Variants in DBNL observed in about 807,000 individuals in gnomAD.
DBNL encodes the protein drebrin like.
In DBNL, 35 loss-of-function variants were observed where a neutral mutation model predicts 62.2. The observed-to-expected ratio is 0.56, with a 90% CI of 0.43 to 0.75. DBNL has a LOEUF of 0.75. Among genes scored for constraint, DBNL ranks in the 30% least tolerant of loss-of-function variants. The probability of loss-of-function intolerance (pLI) is 0.00; values close to 1 mark genes in which losing one functional copy is unlikely to be tolerated. For missense variants in DBNL, 495 were observed against 578.4 expected (o/e 0.86, Z 1.48); for synonymous variants, 197 against 218.0 (o/e 0.90, Z 0.85).
At chr7:44,050,312 C>G in intron 2 of DBNL, 32 bp downstream of exon 2, 1 of 1,612,086 alleles carries the variant, frequency 6.2e-7, no homozygotes, top group Non-Finnish European at 8.5e-7. Context: ...CTCAGGGACA[C>G]CAGGAGGTAG....
In DBNL at chr7:44,063,472, G is replaced by A. The variant is rs1245411840; in HGVS notation, c.*2556G>A. 1 of 187,182 alleles carries A rather than the reference G, an allele frequency of 5.3e-6. No homozygotes were observed. The highest frequency in any genetic ancestry group is 1.3e-4 in the East Asian group (1 of 7,434). The allele number at this position is 187,182 out of a possible 1,614,324, so 11.6% of individuals were successfully genotyped here. On this transcript the variant is annotated 3_prime_UTR_variant, in exon 13 of 13. Coordinates refer to ENST00000448521, the MANE Select transcript of DBNL (RefSeq NM_001014436.3). ...AATTTTGTATTTTTAGTAGAAACGG[G>A]TTTTACCATGTTGGTCAGGCTGGTC...
At chr7:44,045,953 C>G (rs2096116559) in intron 1 of DBNL, among the ~76,000 whole-genome samples, 1 of 152,230 alleles carries the variant, frequency 6.6e-6, no homozygotes, top group Non-Finnish European at 1.5e-5. Flanking sequence ...TTGGAGGCAT[C>G]TAAAGAAGGA....
chr7:44,064,990 T>C lies in DBNL; in HGVS notation c.*4074T>C. ...CTCGCAGGTGGGGAGTTCCCCGGGCTTCAGGCCTGCGTACCGACGCTCCTG... is the reference window on the plus strand; with the variant it reads ...CTCGCAGGTGGGGAGTTCCCCGGGCCTCAGGCCTGCGTACCGACGCTCCTG... On this transcript the variant is annotated 3_prime_UTR_variant, in exon 13 of 13. Transcript: ENST00000448521. 1 of 1,606,822 alleles carries C rather than the reference T, an allele frequency of 6.2e-7. No individual in the cohort carries two copies. Among genetic ancestry groups the C allele is most frequent in the Non-Finnish European group, 8.5e-7 (1 of 1,179,650 alleles).
At chr7:44,052,593 G>C in intron 3 of DBNL, among the ~76,000 whole-genome samples, 1 of 148,982 alleles carries the variant, frequency 6.7e-6, no homozygotes, top group African/African-American at 2.5e-5. Flanking sequence ...CTGGGCCACA[G>C]AGCAAGACTC....
In DBNL at chr7:44,060,687, TGCA is replaced by T; in HGVS notation, c.1154-85_1154-83del. On this transcript the variant is annotated intron_variant, in intron 12 of 12. Transcript: ENST00000448521. This position sits in a 1 kb window ranked among gnomAD's most constrained non-coding sequence, Gnocchi z 6.3. ...GAACCAGAGCTGCAGCGAGGTGTGC[TGCA>T]GCAGTGTGGGGCTGCCGTGGGCTGC... 1.9e-6 allele frequency: 3 copies of T among 1,543,134 alleles called. No homozygotes were observed. Among genetic ancestry groups the T allele is most frequent in the Non-Finnish European group, 2.6e-6 (3 of 1,139,582 alleles).
chr7:44,066,107 G>C lies in DBNL; in HGVS notation c.*5191G>C, dbSNP rs929655640. On this transcript the variant is annotated 3_prime_UTR_variant, in exon 13 of 13. Transcript: ENST00000448521. ...CAGGCAGCAGCAGCAGAATGGGCAA[G>C]GGCTGGGGCTGAGCCGGGTTTCCAG... 3 of 185,076 alleles carry C rather than the reference G, an allele frequency of 1.6e-5. No homozygotes were observed. The highest frequency in any genetic ancestry group is 7.1e-5 in the African/African-American group (3 of 42,500). 11.5% of individuals were successfully genotyped at this position (185,076 alleles called of 1,614,324 possible). A position where few individuals can be genotyped will look rare whatever the true frequency, so the allele number is the denominator to read the frequency against.
Position 44,065,561 on chromosome 7 carries a change from C to CG in DBNL, c.*4649dup, listed in dbSNP as rs1209221956. 1.2e-6 allele frequency: 2 copies of CG among 1,606,166 alleles called. No homozygotes were observed. The highest frequency in any genetic ancestry group is 1.7e-6 in the Non-Finnish European group (2 of 1,174,230). On this transcript the variant is annotated 3_prime_UTR_variant, in exon 13 of 13. Coordinates refer to ENST00000448521, the MANE Select transcript of DBNL (RefSeq NM_001014436.3). ...AGCAGGGACCACAGAGGACTCTGGA[C>CG]GGGGACGGCTGCTTCCCAACACTCC... is the stretch of plus-strand genomic sequence containing the variant.
rs2128795955 is a variant in DBNL, at chr7:44,064,058, G to A, written c.*3142G>A. On this transcript the variant is annotated 3_prime_UTR_variant, in exon 13 of 13. Transcript: ENST00000448521. ...CGGCCCTAGGAGCAGGAGGTCTGGG[G>A]CACACCCTTCTAGCCTTTCCAGGAC... 1 of 152,692 alleles carries A rather than the reference G, an allele frequency of 6.5e-6. No homozygotes were observed. The highest frequency in any genetic ancestry group is 6.5e-5 in the Admixed American group (1 of 15,310). The allele number at this position is 152,692 out of a possible 1,614,324, so 9.5% of individuals were successfully genotyped here.
At chr7:44,050,668 A>G (rs1167025974) in intron 2 of DBNL, 7 of 197,806 alleles carry the variant, frequency 3.5e-5, no homozygotes, top group African/African-American at 1.6e-4. Context: ...GAGTGCTTGC[A>G]GGGGCCCCAT....
In DBNL at chr7:44,061,047, C is replaced by T; in HGVS notation, c.*131C>T. On this transcript the variant is annotated 3_prime_UTR_variant, in exon 13 of 13. Coordinates refer to ENST00000448521, the MANE Select transcript of DBNL (RefSeq NM_001014436.3). Reference sequence around the variant, plus strand: ...CAGTGAGGATGAGGCCTCAGGGCTCCCTCCGGCTTGGCAGACTCAGCCTGT... The same window carrying T: ...CAGTGAGGATGAGGCCTCAGGGCTCTCTCCGGCTTGGCAGACTCAGCCTGT... 1 of 1,302,074 alleles carries T rather than the reference C, an allele frequency of 7.7e-7. No homozygotes were observed. The allele number at this position is 1,302,074 out of a possible 1,614,324, so 80.7% of individuals were successfully genotyped here. A position where few individuals can be genotyped will look rare whatever the true frequency, so the allele number is the denominator to read the frequency against.
At position 44,065,209 on chromosome 7, in the gene DBNL, G is replaced by A. The variant is rs1425067807; in HGVS notation, c.*4293G>A. The A allele has an allele frequency of 1.5e-5, 24 of 1,613,914 alleles. No individual in the cohort carries two copies. Among genetic ancestry groups the A allele is most frequent in the Non-Finnish European group, 1.9e-5 (22 of 1,180,030 alleles). ...TCCAGATCTTCACCTGCTCCTCCCC[G>A]TGCTTGGCGGCCGTTTCTGCCTTGT... On this transcript the variant is annotated 3_prime_UTR_variant, in exon 13 of 13. Coordinates refer to ENST00000448521, the MANE Select transcript of DBNL (RefSeq NM_001014436.3).
rs76669537 is a variant in DBNL, at chr7:44,046,116, T to C, written c.83+1296T>C. ...TTCCTGTTCGTGTTTCTCTTAGACCTCTCCTGTTACTTCAAACCCAGTCAA... is the reference window on the plus strand; with the variant it reads ...TTCCTGTTCGTGTTTCTCTTAGACCCCTCCTGTTACTTCAAACCCAGTCAA... On this transcript the variant is annotated intron_variant, in intron 1 of 12. Transcript: ENST00000448521. Among the ~76,000 whole-genome samples, 578 of 152,300 alleles carry C rather than the reference T, an allele frequency of 3.8e-3. 5 individuals are homozygous for C. Among genetic ancestry groups the C allele is most frequent in the African/African-American group, 0.013 (547 of 41,554 alleles).
At chr7:44,052,995 C>G (rs763475942) in intron 4 of DBNL, 54 bp downstream of exon 4, 1 of 1,583,042 alleles carries the variant, frequency 6.3e-7, no homozygotes, top group Non-Finnish European at 8.6e-7. Flanking sequence ...GGCTTGAGGT[C>G]TCGCAGGTTC....
At chr7:44,050,081 C>T in intron 1 of DBNL, 144 bp from the exon 2 acceptor site, 1 of 842,524 alleles carries the variant, frequency 1.2e-6, no homozygotes, top group Non-Finnish European at 1.9e-6. Context: ...TGGGTCAGAG[C>T]AAAGTGAGAA....
At position 44,057,862 on chromosome 7, in the gene DBNL, G is replaced by A. The variant is rs763040275; in HGVS notation, c.552+3G>A. 6.2e-7 allele frequency: 1 copy of A among 1,614,160 alleles called. No individual in the cohort carries two copies. The highest frequency in any genetic ancestry group is 1.1e-5 in the South Asian group (1 of 91,068). Reference sequence around the variant, plus strand: ...ACAGCTTCTGGGCCAAAGCAGAGGTGAGTGCTGCCCCGGGGCATGCTGGGC... The same window carrying A: ...ACAGCTTCTGGGCCAAAGCAGAGGTAAGTGCTGCCCCGGGGCATGCTGGGC... On this transcript the variant is annotated splice_donor_region_variant and intron_variant, in intron 6 of 12. Transcript: ENST00000448521.
Position 44,061,036 on chromosome 7 carries a change from C to T in DBNL, c.*120C>T. The T allele has an allele frequency of 7.4e-7, 1 of 1,358,634 alleles. No homozygotes were observed. The highest frequency in any genetic ancestry group is 1.5e-5 in the South Asian group (1 of 67,942). 84.2% of individuals were successfully genotyped at this position (1,358,634 alleles called of 1,614,324 possible). On this transcript the variant is annotated 3_prime_UTR_variant, in exon 13 of 13. Coordinates refer to ENST00000448521, the MANE Select transcript of DBNL (RefSeq NM_001014436.3). ...AATAGGACCCCCAGTGAGGATGAGG[C>T]CTCAGGGCTCCCTCCGGCTTGGCAG...
Position 44,059,536 on chromosome 7 carries a change from G to C in DBNL, c.932-7G>C, listed in dbSNP as rs761011901. The stretch of plus-strand genomic sequence containing the variant: ...GGAGTGAGAACCTGCTGTGTTCCCT[G>C]GTGCAGATCTCCCTGCTGAGGAGCC... On this transcript the variant is annotated splice_region_variant and splice_polypyrimidine_tract_variant and intron_variant, in intron 10 of 12. Transcript: ENST00000448521. This position sits in a 1 kb window ranked among gnomAD's most constrained non-coding sequence, Gnocchi z 4.1. 4.3e-6 allele frequency: 7 copies of C among 1,613,384 alleles called. No homozygotes were observed. The African/African-American group carries it at 9.3e-5, about 22-fold the overall frequency.
Position 44,062,987 on chromosome 7 carries a change from C to T in DBNL, c.*2071C>T. The stretch of plus-strand genomic sequence containing the variant: ...CTCTGTCCCCAGCCTGTTTACACAG[C>T]AGACACTATGTGACCTTTATGGTCC... On this transcript the variant is annotated 3_prime_UTR_variant, in exon 13 of 13. Coordinates refer to ENST00000448521, the MANE Select transcript of DBNL (RefSeq NM_001014436.3). The T allele has an allele frequency of 6.4e-7, 1 of 1,570,654 alleles. No individual in the cohort carries two copies.
At chr7:44,055,217 G>T (rs1249067813) in intron 4 of DBNL, among the ~76,000 whole-genome samples, 2 of 152,216 alleles carry the variant, frequency 1.3e-5, no homozygotes, top group African/African-American at 4.8e-5. Context: ...TGTAATCCCA[G>T]CAGTTTGGGA....
Sources: allele counts gnomAD v4.1 joint callset (sites outside exome capture counted in the v4.1 genomes callset), GRCh38; gene constraint gnomAD v4.1.1; non-coding constraint Gnocchi (gnomAD v3.1); transcripts MANE v1.5; gene names NCBI Gene and HGNC (gene_info 2026-07-23, HGNC 2026-07-21).